BAALC: variants seen among roughly 807,000 people sequenced by gnomAD.
BAALC encodes the protein BAALC binder of MAP3K1 and KLF4.
Under a neutral mutation model 15.5 loss-of-function variants are expected in BAALC, and 9 were observed. The observed-to-expected ratio is 0.58, with a 90% confidence interval of 0.35 to 1.02. The LOEUF (loss-of-function observed/expected upper bound fraction) is 1.02, where lower values mean the gene tolerates loss of function less well. Among genes scored for constraint, BAALC ranks in the 50% least tolerant of loss-of-function variants. The pLI is 0.02. For synonymous variants in BAALC, 80 were observed against 74.6 expected (o/e 1.07, Z -0.37); for missense variants, 201 against 192.4 (o/e 1.04, Z -0.27).
chr8:103,205,520 C>G (rs902177315), intron 1 of BAALC, among the ~76,000 whole-genome samples: 2 of 152,014 alleles, frequency 1.3e-5, no homozygotes, highest in African/African-American at 4.8e-5. Context: ...GTGTTGATCT[C>G]TATGTCAGAT....
chr8:103,216,664 G>T (rs1812563699), intron 2 of BAALC, among the ~76,000 whole-genome samples: 1 of 152,046 alleles, frequency 6.6e-6, no homozygotes, highest in African/African-American at 2.4e-5. Context: ...TTTGCAGAGA[G>T]GAGATCTCAC....
chr8:103,203,209 G>A (rs1316630128), intron 1 of BAALC, among the ~76,000 whole-genome samples: 1 of 152,154 alleles, frequency 6.6e-6, no homozygotes, highest in Non-Finnish European at 1.5e-5. Context: ...GTTACAGGCT[G>A]GTGGTTCATC....
intron 1 of BAALC, among the ~76,000 whole-genome samples, chr8:103,167,934 A>G (rs779291900): frequency 1.3e-5 from 2 of 152,222 alleles, no homozygotes; most frequent in Non-Finnish European, 2.9e-5. Context: ...AATATCTCAG[A>G]TAAGTCTTAG....
chr8:103,226,075 G>A (rs1403351637), intron 2 of BAALC, among the ~76,000 whole-genome samples: 1 of 152,244 alleles, frequency 6.6e-6, no homozygotes, highest in Non-Finnish European at 1.5e-5. Flanking sequence ...CCCAGCACAA[G>A]GAGGTGCTCA....
At chr8:103,163,859 A>T (rs1219036531) in intron 1 of BAALC, among the ~76,000 whole-genome samples, 1 of 151,902 alleles carries the variant, frequency 6.6e-6, no homozygotes, top group Non-Finnish European at 1.5e-5. Context: ...CTTCCTTCCC[A>T]CAAATATTCT....
intron 1 of BAALC, among the ~76,000 whole-genome samples, chr8:103,160,649 G>A (rs1811204481): frequency 2.0e-5 from 3 of 152,176 alleles, no homozygotes; most frequent in Admixed American, 6.5e-5. Context: ...ATATATAAAG[G>A]GGAGTTTATT....
At chr8:103,182,518 A>G (rs368694073) in intron 1 of BAALC, among the ~76,000 whole-genome samples, 10 of 152,372 alleles carry the variant, frequency 6.6e-5, no homozygotes, top group East Asian at 5.8e-4. Flanking sequence ...GAAGTAAGTA[A>G]CAAGACTCAC....
intron 2 of BAALC, among the ~76,000 whole-genome samples, chr8:103,215,754 A>G (rs752370207): frequency 2.6e-5 from 4 of 152,194 alleles, no homozygotes; most frequent in South Asian, 2.1e-4. Context: ...GACAAGCCCA[A>G]CTTTAAGCAG....
At chr8:103,186,402 CA>C (rs1811838823) in intron 1 of BAALC, among the ~76,000 whole-genome samples, 1 of 152,194 alleles carries the variant, frequency 6.6e-6, no homozygotes, top group Non-Finnish European at 1.5e-5. Flanking sequence ...GACTGAACCC[CA>C]GTGCTGTTTG....
At chr8:103,227,167 CTGTGTGTGTGCGTGTA>C (rs1003901005) in intron 2 of BAALC, among the ~76,000 whole-genome samples, 3 of 151,976 alleles carry the variant, frequency 2.0e-5, no homozygotes, top group Admixed American at 2.0e-4. Flanking sequence ...TTCTTCCTGA[CTGTGTGTGTGCGTGTA>C]TGTGTGTGTG....
chr8:103,158,668 A>G (rs543393518), intron 1 of BAALC, among the ~76,000 whole-genome samples: 1 of 148,932 alleles, frequency 6.7e-6, no homozygotes, highest in East Asian at 2.0e-4. Context: ...AGGACAATAC[A>G]TATATACAAT....
At chr8:103,212,651 G>T (rs974282107) in intron 1 of BAALC, among the ~76,000 whole-genome samples, 1 of 152,072 alleles carries the variant, frequency 6.6e-6, no homozygotes, top group South Asian at 2.1e-4. Flanking sequence ...ATAGACATGT[G>T]AAAAATAACA....
intron 1 of BAALC, among the ~76,000 whole-genome samples, chr8:103,199,527 A>G (rs1305955783): frequency 2.0e-5 from 3 of 152,064 alleles, no homozygotes; most frequent in African/African-American, 7.2e-5. Context: ...GATACTAGAT[A>G]ATTGATTGAT....
At chr8:103,180,668 CAA>C (rs949772330) in intron 1 of BAALC, among the ~76,000 whole-genome samples, 3 of 152,162 alleles carry the variant, frequency 2.0e-5, no homozygotes, top group African/African-American at 7.2e-5. Flanking sequence ...AGGGCCAGAG[CAA>C]GATGCAAAGT....
rs187792589 is a variant in BAALC, at chr8:103,172,495, G to A, written c.160+31438G>A. On this transcript the variant is annotated intron_variant, in intron 1 of 2. Transcript: ENST00000309982. ...CAGCTCACTGCATCCTCGGCCTCCCGGGTTCAGCCAATTCTCCTGCCTCAG... is the reference window on the plus strand; with the variant it reads ...CAGCTCACTGCATCCTCGGCCTCCCAGGTTCAGCCAATTCTCCTGCCTCAG... Among the ~76,000 whole-genome samples, 25 of 148,624 alleles carry A rather than the reference G, an allele frequency of 1.7e-4. No homozygotes were observed. In the South Asian group the frequency reaches 3.2e-3, roughly 19 times the overall value.
intron 1 of BAALC, among the ~76,000 whole-genome samples, chr8:103,183,879 G>A (rs985351877): frequency 2.0e-5 from 3 of 152,172 alleles, no homozygotes; most frequent in East Asian, 1.9e-4. Context: ...AAGTGTGTTC[G>A]TTTCCATTGC....
At chr8:103,217,597 G>C (rs939043405) in intron 2 of BAALC, among the ~76,000 whole-genome samples, 1 of 151,822 alleles carries the variant, frequency 6.6e-6, no homozygotes, top group Non-Finnish European at 1.5e-5. Context: ...ATTTCACCAC[G>C]CTCCCCTTAG....
chr8:103,185,052 A>T (rs1811802000), intron 1 of BAALC, among the ~76,000 whole-genome samples: 1 of 152,108 alleles, frequency 6.6e-6, no homozygotes, highest in African/African-American at 2.4e-5. Flanking sequence ...TAGTCTCCGA[A>T]GAATAGCCTC....
intron 1 of BAALC, among the ~76,000 whole-genome samples, chr8:103,184,302 T>A (rs758781010): frequency 1.4e-4 from 21 of 152,226 alleles, no homozygotes; most frequent in Admixed American, 3.3e-4. Flanking sequence ...GAACCTCATA[T>A]ATTCACAGGT....
Sources: gnomAD v4.1 joint callset for allele counts (sites outside exome capture counted in the v4.1 genomes callset) on GRCh38, gnomAD v4.1.1 for gene constraint, MANE v1.5 for transcripts, NCBI Gene and HGNC (gene_info 2026-07-23, HGNC 2026-07-21) for gene names.